MDM1: variants seen among roughly 807,000 people sequenced by gnomAD.
MDM1 encodes the protein Mdm1 nuclear protein.
MDM1 carries 61 observed loss-of-function variants against 89.1 expected under a neutral mutation model. The ratio of observed to expected loss-of-function variants is 0.68; its 90% CI spans 0.56 to 0.85. The LOEUF (loss-of-function observed/expected upper bound fraction) is 0.85. Among genes scored for constraint, MDM1 ranks in the 40% least tolerant of loss-of-function variants. MDM1 has a pLI of 0.00. For synonymous variants in MDM1, 290 were observed against 294.1 expected (o/e 0.99, Z 0.14); for missense variants, 820 against 846.5 (o/e 0.97, Z 0.39).
At position 68,314,045 on chromosome 12, in the gene MDM1, G is replaced by C. The variant is rs190411150; in HGVS notation, c.1530-292C>G. 1.5e-3 allele frequency among the ~76,000 whole-genome samples: 223 copies of C among 151,176 alleles called. 1 individual carries two copies. The highest frequency in any genetic ancestry group is 4.8e-3 in the African/African-American group (200 of 41,262). On this transcript the variant is annotated intron_variant, in intron 10 of 14. Coordinates refer to ENST00000682720, the MANE Select transcript of MDM1 (RefSeq NM_001354969.2). ...CCAGCTACTTGGGAGGCTGAGGCGG[G>C]AGAATGGCGTGAACCCAGAAGGCGG... is the stretch of plus-strand genomic sequence containing the variant.
intron 12 of MDM1, among the ~76,000 whole-genome samples, chr12:68,311,754 C>T (rs979820903): frequency 6.6e-6 from 1 of 152,218 alleles, no homozygotes; most frequent in African/African-American, 2.4e-5. Context: ...CTGCATTACT[C>T]TGCTTCCCTT....
Position 68,295,316 on chromosome 12 carries a change from G to A in MDM1, c.2113C>T (p.Arg705Trp), listed in dbSNP as rs146132026. 417 of 1,613,084 alleles carry A rather than the reference G, an allele frequency of 2.6e-4. 1 individual carries two copies. Among genetic ancestry groups the A allele is most frequent in the Middle Eastern group, 8.3e-4 (5 of 6,058 alleles). Residue 705 changes from arginine to tryptophan, a missense_variant, in exon 15 of 15, where the codon CGG (arginine) becomes TGG (tryptophan). Arg to Trp is a moderately radical substitution (Grantham distance 101). Transcript: ENST00000682720. Reference protein sequence around the residue: ...ISARSAASSLRAFQTLARAKK... With the variant: ...ISARSAASSLWAFQTLARAKK... ...GCTCGTGCCAGAGTTTGAAAAGCCC[G>A]GAGACTAGAAGCTGCAGAGCGAGCA...
chr12:68,328,337 A>G (rs934405870), intron 2 of MDM1, among the ~76,000 whole-genome samples: 1 of 152,244 alleles, frequency 6.6e-6, no homozygotes, highest in African/African-American at 2.4e-5. Flanking sequence ...TGCATATAAC[A>G]CATTTACCTT....
Position 68,313,742 on chromosome 12 carries a change from G to T in MDM1, c.1541C>A (p.Ser514Tyr). ...ADKMKEGSDS[S>Y]VSSEKGGRLP... ...CCGGCCTCCTTTTTCTGAGGATACA[G>T]AAGAATCTGACCTATAAATTGAAAC... The change falls in exon 11 of 15, where the codon TCT (serine) becomes TAT (tyrosine). Residue 514 changes from serine to tyrosine, a missense_variant. Physicochemically the swap from Ser to Tyr is moderately radical, Grantham distance 144. Coordinates refer to ENST00000682720, the MANE Select transcript of MDM1 (RefSeq NM_001354969.2). 1 of 1,612,264 alleles carries T rather than the reference G, an allele frequency of 6.2e-7. No individual in the cohort carries two copies. The highest frequency in any genetic ancestry group is 1.1e-5 in the South Asian group (1 of 91,018).
In MDM1 at chr12:68,313,489, A is replaced by C. The variant is rs1486798551; in HGVS notation, c.1703T>G (p.Met568Arg). The change falls in exon 12 of 15, where the codon ATG becomes AGG. Residue 568 changes from methionine (M) to arginine (R), a missense_variant. By Grantham distance (91) the Met-to-Arg change is moderately conservative. Coordinates refer to ENST00000682720, the MANE Select transcript of MDM1 (RefSeq NM_001354969.2). ...KPPAPEQRKR[M>R]TSQDCLETSK... ...AGTTTCTAAACAATCCTGAGAGGTCATTCTTTTCCTCTGTTCTGGGGCTGG... is the reference window on the plus strand; with the variant it reads ...AGTTTCTAAACAATCCTGAGAGGTCCTTCTTTTCCTCTGTTCTGGGGCTGG... The C allele has an allele frequency of 6.2e-7, 1 of 1,613,974 alleles. No homozygotes were observed. Among genetic ancestry groups the C allele is most frequent in the Non-Finnish European group, 8.5e-7 (1 of 1,179,918 alleles).
At chr12:68,317,425 T>C (rs1874645973) in intron 7 of MDM1, among the ~76,000 whole-genome samples, 1 of 151,058 alleles carries the variant, frequency 6.6e-6, no homozygotes, top group Non-Finnish European at 1.5e-5. Flanking sequence ...AAAAAGCAAA[T>C]AATGAAACAG....
intron 2 of MDM1, among the ~76,000 whole-genome samples, chr12:68,328,848 C>T (rs1003349889): frequency 6.6e-6 from 1 of 152,170 alleles, no homozygotes; most frequent in African/African-American, 2.4e-5. Context: ...AACCTCCCAC[C>T]TCCCATTCTG....
chr12:68,306,126 G>A (rs1872849457), intron 12 of MDM1, among the ~76,000 whole-genome samples: 1 of 152,172 alleles, frequency 6.6e-6, no homozygotes, highest in South Asian at 2.1e-4. Flanking sequence ...ACAGCTATCT[G>A]ATCTTTAACA....
intron 6 of MDM1, 36 bp from the exon 7 acceptor site, chr12:68,321,482 T>A: frequency 6.2e-7 from 1 of 1,606,824 alleles, no homozygotes; most frequent in South Asian, 1.1e-5. Context: ...TATTTCACCA[T>A]GTTAATCATT....
At chr12:68,321,103 G>T (rs1330873004) in intron 7 of MDM1, 1 of 363,200 alleles carries the variant, frequency 2.8e-6, no homozygotes, top group Non-Finnish European at 4.9e-6. Context: ...ACAATCAAAT[G>T]TTTGATGGTA....
chr12:68,327,681 C>A (rs893120890), intron 2 of MDM1, among the ~76,000 whole-genome samples: 3 of 152,044 alleles, frequency 2.0e-5, no homozygotes, highest in African/African-American at 7.2e-5. Context: ...TTCTTTAAGA[C>A]AGTTGCAGGG....
At chr12:68,308,502 C>T (rs1490126892) in intron 12 of MDM1, among the ~76,000 whole-genome samples, 1 of 152,200 alleles carries the variant, frequency 6.6e-6, no homozygotes, top group Non-Finnish European at 1.5e-5. Context: ...CAGGTCTCAG[C>T]TAAAACGTCA....
At chr12:68,312,977 T>C (rs1370350219) in intron 12 of MDM1, among the ~76,000 whole-genome samples, 1 of 152,216 alleles carries the variant, frequency 6.6e-6, no homozygotes, top group Non-Finnish European at 1.5e-5. Flanking sequence ...CCACTTCCTG[T>C]TCACTTCAGC....
chr12:68,302,997 C>G, intron 12 of MDM1, 125 bp from the exon 13 acceptor site: 1 of 769,180 alleles, frequency 1.3e-6, no homozygotes, highest in Non-Finnish European at 2.0e-6. Flanking sequence ...AGAATTTATG[C>G]AACATCTATG....
At position 68,316,084 on chromosome 12, in the gene MDM1, AGATCTAAT is replaced by A. The variant is rs1162326762; in HGVS notation, c.1197_1204del (p.Leu400CysfsTer8). 6.2e-7 allele frequency: 1 copy of A among 1,602,618 alleles called. No individual in the cohort carries two copies. Among genetic ancestry groups the A allele is most frequent in the Admixed American group, 1.7e-5 (1 of 58,032 alleles). ...TCCACAAAGAATATCTCACCCAGCA[AGATCTAAT>A]GCTCTGATGTTGCTACTAACGGTTC... On this transcript the variant is annotated frameshift_variant, in exon 9 of 15. Coordinates refer to ENST00000682720, the MANE Select transcript of MDM1 (RefSeq NM_001354969.2). LOFTEE classifies it high-confidence loss of function.
rs748372353 is a variant in MDM1 at position 68,321,352 on chromosome 12, T to C, written c.1000A>G (p.Asn334Asp). Residue 334 changes from asparagine to aspartate, a missense_variant, in exon 7 of 15, where the codon AAT (asparagine) becomes GAT (aspartate). Transcript: ENST00000682720. ...TTGAGGTCATGTACACTCACCTGAT[T>C]TGGCATGTTTCCCTTTACATGTGTC... is the stretch of plus-strand genomic sequence containing the variant. ...AWTHVKGNMP[N>D]QGSLNAMWYA... is the part of the protein sequence containing the mutation. 7 of 1,612,822 alleles carry C rather than the reference T, an allele frequency of 4.3e-6. No individual in the cohort carries two copies. The South Asian group carries it at 7.7e-5, about 18-fold the overall frequency.
chr12:68,299,501 G>A (rs1871862732), intron 13 of MDM1, among the ~76,000 whole-genome samples: 1 of 152,138 alleles, frequency 6.6e-6, no homozygotes, highest in African/African-American at 2.4e-5. Flanking sequence ...ACAAAACGTA[G>A]TGGAAAGTTT....
intron 12 of MDM1, among the ~76,000 whole-genome samples, chr12:68,305,375 C>A (rs1041560297): frequency 6.6e-6 from 1 of 152,080 alleles, no homozygotes; most frequent in South Asian, 2.1e-4. Context: ...CCACTCTCAC[C>A]ACCTCTATTC....
At chr12:68,296,157 T>C (rs1294177008) in intron 14 of MDM1, among the ~76,000 whole-genome samples, 1 of 152,240 alleles carries the variant, frequency 6.6e-6, no homozygotes, top group Non-Finnish European at 1.5e-5. Context: ...ATTATTCATA[T>C]TGAATTCAAG....
Sources: gnomAD v4.1 joint callset for allele counts (sites outside exome capture counted in the v4.1 genomes callset) on GRCh38, gnomAD v4.1.1 for gene constraint, MANE v1.5 for transcripts, NCBI Gene and HGNC (gene_info 2026-07-23, HGNC 2026-07-21) for gene names.